Variants in NHEJ1 observed in about 807,000 individuals in gnomAD.
NHEJ1 encodes non-homologous end-joining factor 1.
Under a neutral mutation model 39.4 loss-of-function variants are expected in NHEJ1, and 22 were observed. That is an observed-to-expected ratio of 0.56 (90% CI 0.40 to 0.80). NHEJ1 has a LOEUF of 0.80. Ranked by LOEUF, NHEJ1 falls within the 30% of genes least tolerant of loss-of-function variation. The pLI is 0.00. For synonymous variants in NHEJ1, 154 were observed against 135.6 expected, an observed-to-expected ratio of 1.14 and a Z score of -0.94; for missense variants, 329 against 357.1, an observed-to-expected ratio of 0.92 and a Z score of 0.63.
rs1949011679 is a variant in NHEJ1 at position 219,076,212 on chromosome 2, G to A, written c.*169C>T. The A allele has an allele frequency of 1.4e-6, 2 of 1,438,534 alleles. No homozygotes were observed. The highest frequency in any genetic ancestry group is 2.4e-4 in the Middle Eastern group (1 of 4,112). The allele number at this position is 1,438,534 out of a possible 1,614,324, so 89.1% of individuals were successfully genotyped here. On this transcript the variant is annotated 3_prime_UTR_variant, in exon 8 of 8. Transcript: ENST00000356853. ...GACTGGCTTCCACTTGAACAGGGAA[G>A]GCCAATTCCCTGTGGGCCTGTCAAC...
At chr2:219,149,406 A>C (rs1949774049) in intron 3 of NHEJ1, among the ~76,000 whole-genome samples, 1 of 152,064 alleles carries the variant, frequency 6.6e-6, no homozygotes, top group South Asian at 2.1e-4. Flanking sequence ...GCTTGAGTCC[A>C]AGAGTTCGAG....
chr2:219,070,527 G>A lies in NHEJ1; in HGVS notation c.*5854C>T, dbSNP rs950990907. ...ATTTTAAAAATGTTTTGCAAAGACA[G>A]GGTTTCGCCATGTTGCCTAGGCTGG... On this transcript the variant is annotated 3_prime_UTR_variant, in exon 8 of 8. Transcript: ENST00000356853. Among the ~76,000 whole-genome samples, 1 of 152,092 alleles carries A rather than the reference G, an allele frequency of 6.6e-6. No individual in the cohort carries two copies. Among genetic ancestry groups the A allele is most frequent in the African/African-American group, 2.4e-5 (1 of 41,408 alleles).
chr2:219,087,584 CT>C (rs1466587178), intron 5 of NHEJ1, among the ~76,000 whole-genome samples: 1 of 152,168 alleles, frequency 6.6e-6, no homozygotes, highest in Non-Finnish European at 1.5e-5. Flanking sequence ...CCCATCCCGC[CT>C]GCTGCCTGCC....
In NHEJ1 at chr2:219,072,306, G is replaced by A. The variant is rs1297482429; in HGVS notation, c.*4075C>T. Among the ~76,000 whole-genome samples the A allele has an allele frequency of 6.6e-6, 1 of 152,140 alleles. No individual in the cohort carries two copies. The highest frequency in any genetic ancestry group is 2.4e-5 in the African/African-American group (1 of 41,422). On this transcript the variant is annotated 3_prime_UTR_variant, in exon 8 of 8. Coordinates refer to ENST00000356853, the MANE Select transcript of NHEJ1 (RefSeq NM_024782.3). ...AAAGTATGGGCTTCCTTCTCTTCCT[G>A]CATTCCCCTCTGTATCTAAGGGCCT...
chr2:219,155,718 C>T (rs1574748035), intron 3 of NHEJ1, among the ~76,000 whole-genome samples: 1 of 151,608 alleles, frequency 6.6e-6, no homozygotes, highest in South Asian at 2.1e-4. Context: ...GTCAGGAAAT[C>T]GAGACCATCC....
intron 5 of NHEJ1, among the ~76,000 whole-genome samples, chr2:219,091,611 T>G (rs1481612771): frequency 2.6e-5 from 4 of 152,174 alleles, no homozygotes; most frequent in Non-Finnish European, 4.4e-5. Flanking sequence ...GAGTCTGACT[T>G]CGTCCTAAAG....
chr2:219,154,981 TTA>T (rs1949838820), intron 3 of NHEJ1, among the ~76,000 whole-genome samples: 1 of 147,672 alleles, frequency 6.8e-6, no homozygotes, highest in Non-Finnish European at 1.5e-5. Flanking sequence ...TTACATATAT[TTA>T]TATATTAATC....
chr2:219,158,168 A>T lies in NHEJ1; in HGVS notation c.177+18T>A. The T allele has an allele frequency of 3.8e-6, 6 of 1,579,716 alleles. No individual in the cohort carries two copies. The highest frequency in any genetic ancestry group is 1.3e-5 in the African/African-American group (1 of 74,340). ...ATGTTCACATCCCCGACACAGCAGT[A>T]CTTCTCCTCATACTTACCTTGGCTC... On this transcript the variant is annotated intron_variant, in intron 2 of 7. Coordinates refer to ENST00000356853, the MANE Select transcript of NHEJ1 (RefSeq NM_024782.3).
At chr2:219,080,816 T>C (rs1949060022) in intron 5 of NHEJ1, among the ~76,000 whole-genome samples, 1 of 151,926 alleles carries the variant, frequency 6.6e-6, no homozygotes, top group Admixed American at 6.6e-5. Flanking sequence ...GAGCTCACGG[T>C]AGAGGCTCAG....
At chr2:219,102,419 G>C (rs957149987) in intron 5 of NHEJ1, 4 of 152,110 alleles carry the variant, frequency 2.6e-5, no homozygotes, top group African/African-American at 7.2e-5. Context: ...TTCAGTTTAA[G>C]AATACTGAAA....
Position 219,111,835 on chromosome 2 carries a change from G to T in NHEJ1, c.589-33629C>A, listed in dbSNP as rs1559193756. ...CCCATATTTACCAGCTTTATAAATG[G>T]GACTGACCACAGCTGCCCCACGCGC... On this transcript the variant is annotated intron_variant, in intron 5 of 7. Transcript: ENST00000356853. The surrounding 1 kb of genome is among the most constrained non-coding windows in gnomAD (Gnocchi z 4.1). Among the ~76,000 whole-genome samples the T allele has an allele frequency of 6.6e-6, 1 of 152,082 alleles. No individual in the cohort carries two copies. The highest frequency in any genetic ancestry group is 1.5e-5 in the Non-Finnish European group (1 of 68,012).
At chr2:219,101,563 A>G (rs555935037) in intron 5 of NHEJ1, among the ~76,000 whole-genome samples, 1 of 151,948 alleles carries the variant, frequency 6.6e-6, no homozygotes, top group Admixed American at 6.6e-5. Context: ...GGAACTTGCC[A>G]CTGTGCTTGG....
At chr2:219,108,081 G>A (rs1029448213) in intron 5 of NHEJ1, among the ~76,000 whole-genome samples, 6 of 151,720 alleles carry the variant, frequency 4.0e-5, no homozygotes, top group African/African-American at 1.5e-4. Context: ...GCCCAGCCCC[G>A]AGCCAACCCC....
chr2:219,146,241 AC>A (rs1320289560), intron 5 of NHEJ1, among the ~76,000 whole-genome samples: 1 of 152,184 alleles, frequency 6.6e-6, no homozygotes, highest in African/African-American at 2.4e-5. Flanking sequence ...TGCCCACAAG[AC>A]AGCCCCCAAA....
At chr2:219,115,335 C>A (rs980494407) in intron 5 of NHEJ1, among the ~76,000 whole-genome samples, 2 of 152,074 alleles carry the variant, frequency 1.3e-5, no homozygotes, top group African/African-American at 4.8e-5. Flanking sequence ...TATTACAGAT[C>A]TAGGAAGGAA....
intron 5 of NHEJ1, among the ~76,000 whole-genome samples, chr2:219,078,686 G>C (rs1018866400): frequency 3.3e-5 from 5 of 152,210 alleles, no homozygotes; most frequent in Non-Finnish European, 7.3e-5. Flanking sequence ...TTCAGGCAGA[G>C]GAGACAGGAA....
intron 5 of NHEJ1, among the ~76,000 whole-genome samples, chr2:219,083,249 T>C (rs1009832226): frequency 6.6e-6 from 1 of 152,136 alleles, no homozygotes; most frequent in African/African-American, 2.4e-5. Context: ...TGTGAAATGG[T>C]ACTATTACCA....
intron 5 of NHEJ1, among the ~76,000 whole-genome samples, chr2:219,115,286 T>G (rs1949402359): frequency 6.6e-6 from 1 of 152,206 alleles, no homozygotes. Flanking sequence ...TGTAACCAGT[T>G]TTCAATTAGG....
At chr2:219,083,464 A>T (rs1359798606) in intron 5 of NHEJ1, among the ~76,000 whole-genome samples, 2 of 92,352 alleles carry the variant, frequency 2.2e-5, no homozygotes, top group African/African-American at 8.0e-5. Context: ...TAGAAAAAAA[A>T]TTACTAGAAA....
Sources: allele counts gnomAD v4.1 joint callset (sites outside exome capture counted in the v4.1 genomes callset), GRCh38; gene constraint gnomAD v4.1.1; non-coding constraint Gnocchi (gnomAD v3.1); transcripts MANE v1.5; gene names NCBI Gene and HGNC (gene_info 2026-07-23, HGNC 2026-07-21).